The following MAPRE2 variants were observed in gnomAD, a reference collection of about 807,000 sequenced individuals.
The protein encoded by MAPRE2 is microtubule associated protein RP/EB family member 2.
A neutral mutation model predicts 43.2 loss-of-function variants in MAPRE2; 13 were observed. That is an observed-to-expected ratio of 0.30 (90% CI 0.20 to 0.48). MAPRE2 has a LOEUF of 0.48. Among genes scored for constraint, MAPRE2 ranks in the 20% least tolerant of loss-of-function variants. The pLI is 0.99. For synonymous variants in MAPRE2, 135 were observed against 148.8 expected (o/e 0.91, Z 0.68); for missense variants, 161 against 400.2 (o/e 0.40, Z 5.10).
intron 4 of MAPRE2, among the ~76,000 whole-genome samples, chr18:35,120,473 C>T (rs1909622585): frequency 2.0e-5 from 3 of 152,176 alleles, no homozygotes; most frequent in Admixed American, 2.0e-4. Flanking sequence ...GAAATCTGTC[C>T]ACTGAGGTGC....
At chr18:35,014,783 C>G (rs1037245455) in intron 2 of MAPRE2, among the ~76,000 whole-genome samples, 1 of 152,056 alleles carries the variant, frequency 6.6e-6, no homozygotes, top group South Asian at 2.1e-4. Context: ...CTTGTATTCC[C>G]TTTTAAGGGT....
chr18:35,070,332 AT>A lies in MAPRE2; in HGVS notation c.250+12del, dbSNP rs3833189. 1,564 of 1,585,598 alleles carry A rather than the reference AT, an allele frequency of 9.9e-4. 27 individuals are homozygous for A. In the East Asian group the frequency reaches 0.03, roughly 31 times the overall value. ...GAACAGCTTTGTTCAGGTAAGACAT[AT>A]TCTTTTAAGTGTTTACCTAAATATT... On this transcript the variant is annotated intron_variant, in intron 2 of 6. Transcript: ENST00000300249.
At chr18:35,105,032 T>C (rs1908841867) in intron 4 of MAPRE2, among the ~76,000 whole-genome samples, 1 of 152,098 alleles carries the variant, frequency 6.6e-6, no homozygotes, top group Non-Finnish European at 1.5e-5. Flanking sequence ...TTGGTACCAA[T>C]ATTCCTCCAC....
chr18:35,080,812 G>A (rs1338145077), intron 2 of MAPRE2, among the ~76,000 whole-genome samples: 1 of 151,318 alleles, frequency 6.6e-6, no homozygotes, highest in Non-Finnish European at 1.5e-5. Context: ...TTTTCAGATT[G>A]CGTTTTTTTT....
intron 4 of MAPRE2, among the ~76,000 whole-genome samples, chr18:35,104,434 A>AT (rs1174966984): frequency 6.6e-6 from 1 of 151,884 alleles, no homozygotes; most frequent in Admixed American, 6.6e-5. Flanking sequence ...GGAAGATGTT[A>AT]TTTTTTTTCA....
At chr18:35,000,432 C>A (rs1325814437) in intron 1 of MAPRE2, among the ~76,000 whole-genome samples, 1 of 152,110 alleles carries the variant, frequency 6.6e-6, no homozygotes, top group Non-Finnish European at 1.5e-5. Context: ...CTTTCATGTT[C>A]CTGTAGATTT....
intron 1 of MAPRE2, among the ~76,000 whole-genome samples, chr18:35,046,371 T>C (rs1407112164): frequency 6.6e-6 from 1 of 152,128 alleles, no homozygotes; most frequent in Middle Eastern, 3.2e-3. Context: ...GAACCCCCAG[T>C]GACCCAAAGG....
intron 6 of MAPRE2, among the ~76,000 whole-genome samples, chr18:35,138,659 G>C (rs1248246519): frequency 6.6e-6 from 1 of 152,076 alleles, no homozygotes; most frequent in Non-Finnish European, 1.5e-5. Flanking sequence ...TAACTCCTCT[G>C]TTGGATTCGA....
intron 2 of MAPRE2, among the ~76,000 whole-genome samples, chr18:35,087,197 T>A (rs1446206899): frequency 6.6e-6 from 1 of 152,158 alleles, no homozygotes; most frequent in Non-Finnish European, 1.5e-5. Context: ...AATTTTGATG[T>A]ATAACAACTG....
At chr18:35,138,201 C>G (rs1213046798) in intron 6 of MAPRE2, among the ~76,000 whole-genome samples, 1 of 152,108 alleles carries the variant, frequency 6.6e-6, no homozygotes, top group African/African-American at 2.4e-5. Flanking sequence ...TGGGGTCGAT[C>G]CGGCAGAAGG....
At chr18:35,084,989 C>G (rs1907802834) in intron 2 of MAPRE2, among the ~76,000 whole-genome samples, 1 of 152,266 alleles carries the variant, frequency 6.6e-6, no homozygotes, top group Non-Finnish European at 1.5e-5. Flanking sequence ...AGCTGCTCCT[C>G]CATGCCAGGA....
intron 2 of MAPRE2, among the ~76,000 whole-genome samples, chr18:35,029,010 T>A (rs1306257852): frequency 6.6e-6 from 1 of 152,244 alleles, no homozygotes; most frequent in Non-Finnish European, 1.5e-5. Flanking sequence ...AGGCCCATTA[T>A]GTTTTCATGT....
chr18:34,985,673 A>G (rs2097020490), intron 1 of MAPRE2, among the ~76,000 whole-genome samples: 1 of 104,614 alleles, frequency 9.6e-6, no homozygotes, highest in Non-Finnish European at 1.8e-5. Flanking sequence ...ATAATAATAT[A>G]TAAATATATA....
intron 4 of MAPRE2, among the ~76,000 whole-genome samples, chr18:35,113,864 C>G (rs1909289864): frequency 6.6e-6 from 1 of 152,168 alleles, no homozygotes; most frequent in African/African-American, 2.4e-5. Flanking sequence ...TACACTCCAA[C>G]CTGGGCAACA....
intron 2 of MAPRE2, among the ~76,000 whole-genome samples, chr18:35,034,122 G>T (rs896265036): frequency 6.6e-6 from 1 of 152,036 alleles, no homozygotes; most frequent in African/African-American, 2.4e-5. Context: ...ATACTACAAG[G>T]CTACAGTAAC....
At chr18:35,102,906 T>C (rs943655079) in intron 4 of MAPRE2, among the ~76,000 whole-genome samples, 4 of 152,176 alleles carry the variant, frequency 2.6e-5, no homozygotes, top group Non-Finnish European at 4.4e-5. Context: ...TCCATCTCAA[T>C]TGTGGAACCC....
At chr18:35,119,922 G>C (rs578043519) in intron 4 of MAPRE2, among the ~76,000 whole-genome samples, 1 of 152,280 alleles carries the variant, frequency 6.6e-6, no homozygotes, top group South Asian at 2.1e-4. Context: ...GGTCTTATTT[G>C]CTGAGTAATA....
Position 34,980,023 on chromosome 18 carries a change from C to CTTT in MAPRE2, c.-70+2949_-70+2951dup, listed in dbSNP as rs1450524683. Among the ~76,000 whole-genome samples the CTTT allele has an allele frequency of 7.2e-4, 96 of 132,470 alleles. 1 individual carries two copies. The highest frequency in any genetic ancestry group is 2.6e-3 in the African/African-American group (90 of 34,102). The allele number at this position is 132,470 out of a possible 152,430, so 86.9% of individuals were successfully genotyped here. ...TTTCTTTTCTTTTCTTTTTCTTTTT[C>CTTT]TTTTTTTCTTTTTTTTTTTTTTTTT... On this transcript the variant is annotated intron_variant, in intron 1 of 7. Transcript: ENST00000413393.
At chr18:34,998,086 T>A (rs554552057) in intron 1 of MAPRE2, among the ~76,000 whole-genome samples, 1 of 152,254 alleles carries the variant, frequency 6.6e-6, no homozygotes, top group African/African-American at 2.4e-5. Flanking sequence ...GAATTTAGCA[T>A]GAATTTTTTT....
Sources: allele counts gnomAD v4.1 joint callset (sites outside exome capture counted in the v4.1 genomes callset), GRCh38; gene constraint gnomAD v4.1.1; transcripts MANE v1.5; gene names NCBI Gene and HGNC (gene_info 2026-07-23, HGNC 2026-07-21).